BRF1: variants seen among roughly 807,000 people sequenced by gnomAD.
The protein encoded by BRF1 is transcription factor IIIB 90 kDa subunit.
In BRF1, 59 loss-of-function variants were observed where a neutral mutation model predicts 81.7. That is an observed-to-expected ratio of 0.72 (90% confidence interval 0.59 to 0.90). The LOEUF (loss-of-function observed/expected upper bound fraction) is 0.90. BRF1 is among the 40% of genes least tolerant of loss of function. The pLI is 0.00. For synonymous variants in BRF1, 491 were observed against 395.6 expected (o/e 1.24, Z -2.86); for missense variants, 1,050 against 936.3 (o/e 1.12, Z -1.58).
intron 5 of BRF1, among the ~76,000 whole-genome samples, chr14:105,245,427 A>G (rs1339977982): frequency 1.3e-5 from 2 of 152,170 alleles, no homozygotes; most frequent in Non-Finnish European, 2.9e-5. Context: ...GAAAACTAAA[A>G]ATTAACAAAA....
At chr14:105,212,262 G>T in intron 15 of BRF1, 98 bp from the exon 16 acceptor site, 1 of 1,473,578 alleles carries the variant, frequency 6.8e-7, no homozygotes, top group South Asian at 1.3e-5. Flanking sequence ...AGTGTTAATT[G>T]ACTGTTTCTC....
At chr14:105,242,759 A>C (rs1245113731) in intron 5 of BRF1, among the ~76,000 whole-genome samples, 1 of 151,164 alleles carries the variant, frequency 6.6e-6, no homozygotes, top group Admixed American at 6.6e-5. Flanking sequence ...AAAAAAAAAA[A>C]AAAAAGATAC....
chr14:105,295,073 A>G (rs2057677370), intron 1 of BRF1, among the ~76,000 whole-genome samples: 1 of 152,082 alleles, frequency 6.6e-6, no homozygotes, highest in Non-Finnish European at 1.5e-5. Context: ...ACGTTTCCCA[A>G]CCCATTCCAT....
At chr14:105,214,016 C>A (rs953557315) in intron 15 of BRF1, among the ~76,000 whole-genome samples, 1 of 152,254 alleles carries the variant, frequency 6.6e-6, no homozygotes, top group Non-Finnish European at 1.5e-5. Flanking sequence ...CGGGGGTCCC[C>A]AGCCAGGGGC....
At chr14:105,221,939 A>T in intron 10 of BRF1, 25 bp from the exon 11 acceptor site, 1 of 1,542,962 alleles carries the variant, frequency 6.5e-7, no homozygotes, top group Non-Finnish European at 8.7e-7. Context: ...TCCACCTGTT[A>T]ACCAGGCAGA....
chr14:105,216,745 G>A (rs1891380768), intron 15 of BRF1, among the ~76,000 whole-genome samples: 1 of 152,322 alleles, frequency 6.6e-6, no homozygotes, highest in South Asian at 2.1e-4. Flanking sequence ...CCCCACAGGC[G>A]GAAGCAGCTG....
At chr14:105,251,344 A>G (rs983928388) in intron 5 of BRF1, among the ~76,000 whole-genome samples, 1 of 152,086 alleles carries the variant, frequency 6.6e-6, no homozygotes, top group Non-Finnish European at 1.5e-5. Context: ...TCAGAGTCCT[A>G]CCCTATGAAC....
chr14:105,260,360 T>C (rs972166426), intron 3 of BRF1, among the ~76,000 whole-genome samples: 1 of 151,878 alleles, frequency 6.6e-6, no homozygotes, highest in Non-Finnish European at 1.5e-5. Context: ...CACTTCAACT[T>C]TGCAGGTGTT....
chr14:105,284,056 C>T lies in BRF1; in HGVS notation c.265+2240G>A, dbSNP rs1595463196. 6.6e-6 allele frequency among the ~76,000 whole-genome samples: 1 copy of T among 152,226 alleles called. No homozygotes were observed. ...TCACTGTGCCAGGTCTTCATGCACA[C>T]TCTCGGTGGCAGACACAGAGAACCA... On this transcript the variant is annotated intron_variant, in intron 2 of 17. Coordinates refer to ENST00000547530, the MANE Select transcript of BRF1 (RefSeq NM_001519.4). This position sits in a 1 kb window ranked among gnomAD's most constrained non-coding sequence, Gnocchi z 4.0.
chr14:105,293,945 C>T (rs190781442), intron 1 of BRF1, among the ~76,000 whole-genome samples: 63 of 152,334 alleles, frequency 4.1e-4, no homozygotes, highest in Non-Finnish European at 7.6e-4. Flanking sequence ...GACTAGAAAA[C>T]GACAGCTCAG....
intron 17 of BRF1, 61 bp downstream of exon 17, chr14:105,211,061 G>A: frequency 6.3e-7 from 1 of 1,585,214 alleles, no homozygotes; most frequent in East Asian, 2.3e-5. Flanking sequence ...GGGATCATGA[G>A]GGGCAGTAGC....
intron 5 of BRF1, chr14:105,248,716 TGCTGCCCCTA>T: frequency 8.2e-6 from 8 of 981,428 alleles, no homozygotes; most frequent in Non-Finnish European, 9.6e-6. Flanking sequence ...CCGCCCATGC[TGCTGCCCCTA>T]GCCTGCCTGC....
intron 5 of BRF1, 41 bp from the exon 6 acceptor site, chr14:105,241,455 C>T (rs2054633884): frequency 1.2e-6 from 2 of 1,605,588 alleles, no homozygotes; most frequent in Non-Finnish European, 1.7e-6. Flanking sequence ...CTCCATGTGC[C>T]ATGGCACGTG....
chr14:105,256,678 C>G, intron 3 of BRF1, 129 bp from the exon 4 acceptor site: 2 of 1,413,104 alleles, frequency 1.4e-6, no homozygotes, highest in Non-Finnish European at 1.9e-6. Flanking sequence ...TAAGCTCCAC[C>G]TTTGATCAGG....
intron 6 of BRF1, among the ~76,000 whole-genome samples, chr14:105,229,401 T>A (rs919270303): frequency 1.3e-5 from 2 of 152,218 alleles, no homozygotes; most frequent in Non-Finnish European, 2.9e-5. Context: ...GACTGAATCC[T>A]GCAGCGCAGG....
intron 4 of BRF1, 101 bp downstream of exon 4, chr14:105,256,417 G>A: frequency 6.2e-7 from 1 of 1,613,038 alleles, no homozygotes; most frequent in Non-Finnish European, 8.5e-7. Context: ...CGGCCACTGA[G>A]ATGCGTGGAG....
chr14:105,269,020 A>G lies in BRF1; in HGVS notation c.439+3701T>C, dbSNP rs939675746. On this transcript the variant is annotated intron_variant, in intron 3 of 17. Coordinates refer to ENST00000547530, the MANE Select transcript of BRF1 (RefSeq NM_001519.4). The surrounding 1 kb of genome is among the most constrained non-coding windows in gnomAD (Gnocchi z 5.0). ...AGCTGGGGCTGCAGGAGGCGAGGAC[A>G]GTGGCCAGAGCCAATGCAGGTCAGC... is the stretch of plus-strand genomic sequence containing the variant. Among the ~76,000 whole-genome samples, 2 of 152,082 alleles carry G rather than the reference A, an allele frequency of 1.3e-5. No individual in the cohort carries two copies. Among genetic ancestry groups the G allele is most frequent in the Admixed American group, 6.5e-5 (1 of 15,288 alleles).
chr14:105,273,744 T>C (rs2056759285), intron 2 of BRF1, among the ~76,000 whole-genome samples: 1 of 152,152 alleles, frequency 6.6e-6, no homozygotes, highest in African/African-American at 2.4e-5. Context: ...TTCTCCAGTC[T>C]CGATGAACCA....
chr14:105,241,326 T>A lies in BRF1; in HGVS notation c.633A>T (p.Leu211=). 1 of 1,612,724 alleles carries A rather than the reference T, an allele frequency of 6.2e-7. No homozygotes were observed. Among genetic ancestry groups the A allele is most frequent in the Non-Finnish European group, 8.5e-7 (1 of 1,179,926 alleles). The change falls in exon 6 of 18, where the codon CTA becomes CTT. Residue 211 remains leucine (L), a synonymous_variant. Coordinates refer to ENST00000547530, the MANE Select transcript of BRF1 (RefSeq NM_001519.4). ...GCATCCAGTCCCGCTTCATCCTCTG[T>A]AGGAGCCTCAGGGCAGTCATGGACA... ...HEVSMTALRL[L]QRMKRDWMHT...
Sources: gnomAD v4.1 joint callset for allele counts (sites outside exome capture counted in the v4.1 genomes callset) on GRCh38, gnomAD v4.1.1 for gene constraint, Gnocchi (gnomAD v3.1) non-coding constraint, MANE v1.5 for transcripts, NCBI Gene and HGNC (gene_info 2026-07-23, HGNC 2026-07-21) for gene names.